HSPA9: variants seen among roughly 807,000 people sequenced by gnomAD.
HSPA9 encodes the protein stress-70 protein, mitochondrial.
In HSPA9, 28 loss-of-function variants were observed where a neutral mutation model predicts 81.5. The observed-to-expected ratio is 0.34, with a 90% CI of 0.25 to 0.47. The LOEUF (loss-of-function observed/expected upper bound fraction) is 0.47. Ranked by LOEUF, HSPA9 falls within the 20% of genes least tolerant of loss-of-function variation. The pLI, the probability that HSPA9 is intolerant of heterozygous loss-of-function variation, is 1.00. For missense variants in HSPA9, 678 were observed against 838.0 expected (o/e 0.81, Z 2.36); for synonymous variants, 293 against 290.4 (o/e 1.01, Z -0.09).
rs1282795769 is a variant in HSPA9 at position 138,560,061 on chromosome 5, T to C, written c.1213A>G (p.Arg405Gly). ...VQQTVQDLFG[R>G]APSKAVNPDE... Reference sequence around the variant, plus strand: ...GGATTGACAGCTTTACTTGGGGCTCTGCCAAAAAGATCCTGTACAGTCTGC... The same window carrying C: ...GGATTGACAGCTTTACTTGGGGCTCCGCCAAAAAGATCCTGTACAGTCTGC... The change falls in exon 11 of 17, where the codon AGA becomes GGA. Residue 405 changes from arginine (R) to glycine (G), a missense_variant. Arg to Gly is a moderately radical substitution (Grantham distance 125). Coordinates refer to ENST00000297185, the MANE Select transcript of HSPA9 (RefSeq NM_004134.7). 4 of 1,613,992 alleles carry C rather than the reference T, an allele frequency of 2.5e-6. No individual in the cohort carries two copies. Among genetic ancestry groups the C allele is most frequent in the African/African-American group, 1.3e-5 (1 of 74,902 alleles).
In HSPA9 at chr5:138,559,971, C is replaced by T. The variant is rs1319310807; in HGVS notation, c.1303G>A (p.Val435Met). Reference protein sequence around the residue: ...GGVLAGDVTDVLLLDVTPLSL... With the variant: ...GGVLAGDVTDMLLLDVTPLSL... ...AGGGGAGTGACATCAAGGAGCAGCA[C>T]ATCCGTGACATCGCCGGCCAACACA... Residue 435 changes from valine to methionine, a missense_variant, in exon 11 of 17, where the codon GTG (valine) becomes ATG (methionine). Coordinates refer to ENST00000297185, the MANE Select transcript of HSPA9 (RefSeq NM_004134.7). The T allele has an allele frequency of 1.2e-6, 2 of 1,614,018 alleles. No homozygotes were observed. The highest frequency in any genetic ancestry group is 8.5e-7 in the Non-Finnish European group (1 of 1,180,004).
chr5:138,567,205 A>G, intron 7 of HSPA9, 42 bp from the exon 8 acceptor site: 1 of 1,516,016 alleles, frequency 6.6e-7, no homozygotes, highest in South Asian at 1.2e-5. Flanking sequence ...GAAATCCTTA[A>G]GAACAAAACC....
chr5:138,574,266 G>A (rs537243344), intron 1 of HSPA9, 140 bp from the exon 2 acceptor site: 7 of 684,970 alleles, frequency 1.0e-5, no homozygotes, highest in East Asian at 5.4e-5. Context: ...TAAGTAAGAC[G>A]AAAAAAGGTA....
In HSPA9 at chr5:138,558,577, G is replaced by A. The variant is rs572931235; in HGVS notation, c.1491C>T (p.Asn497=). The change falls in exon 12 of 17, where the codon AAC becomes AAT. Residue 497 remains asparagine, a synonymous_variant. Transcript: ENST00000297185. ...CQGEREMAGD[N]KLLGQFTLIG... ...CCAAAGTAAACTGTCCAAGGAGTTTGTTGTCTCCAGCCATCTCTCTTTCAC... is the reference window on the plus strand; with the variant it reads ...CCAAAGTAAACTGTCCAAGGAGTTTATTGTCTCCAGCCATCTCTCTTTCAC... 1 of 1,611,202 alleles carries A rather than the reference G, an allele frequency of 6.2e-7. No individual in the cohort carries two copies.
At chr5:138,565,771 T>C (rs1238011821) in intron 9 of HSPA9, among the ~76,000 whole-genome samples, 1 of 152,168 alleles carries the variant, frequency 6.6e-6, no homozygotes, top group African/African-American at 2.4e-5. Flanking sequence ...TGGAGTGAAA[T>C]GGTGTGATCA....
At chr5:138,573,050 T>C (rs1750943638) in intron 3 of HSPA9, among the ~76,000 whole-genome samples, 1 of 152,064 alleles carries the variant, frequency 6.6e-6, no homozygotes, top group Non-Finnish European at 1.5e-5. Flanking sequence ...TGTGTGCCAC[T>C]ACGCCCAGCT....
At chr5:138,566,855 G>A (rs751443671) in intron 8 of HSPA9, 137 bp from the exon 9 acceptor site, 8 of 1,130,664 alleles carry the variant, frequency 7.1e-6, no homozygotes, top group Admixed American at 3.4e-5. Flanking sequence ...TACCCTTAAT[G>A]TGTAGGGAAA....
At chr5:138,567,431 G>T in intron 7 of HSPA9, 24 bp downstream of exon 7, 3 of 1,563,706 alleles carry the variant, frequency 1.9e-6, no homozygotes, top group South Asian at 2.2e-5. Flanking sequence ...ACATCCAGGT[G>T]AGAAATTTAC....
chr5:138,569,697 A>G (rs1212417199), intron 4 of HSPA9, among the ~76,000 whole-genome samples: 1 of 152,186 alleles, frequency 6.6e-6, no homozygotes, highest in African/African-American at 2.4e-5. Context: ...AAAGCTGTTT[A>G]AATTTTTAAA....
chr5:138,568,849 G>A lies in HSPA9; in HGVS notation c.535+76C>T. On this transcript the variant is annotated intron_variant, in intron 5 of 16. Transcript: ENST00000297185. ...GACCACAGATTCATCTACAGGAGCTGGAGCACAGGGAGCTAGTGATCTCAC... is the reference window on the plus strand; with the variant it reads ...GACCACAGATTCATCTACAGGAGCTAGAGCACAGGGAGCTAGTGATCTCAC... 4 of 1,485,418 alleles carry A rather than the reference G, an allele frequency of 2.7e-6. No individual in the cohort carries two copies. The South Asian group carries it at 4.6e-5, about 17-fold the overall frequency. 92.0% of individuals were successfully genotyped at this position (1,485,418 alleles called of 1,614,324 possible). A position where few individuals can be genotyped will look rare whatever the true frequency, so the allele number is the denominator to read the frequency against.
rs938623126 is a variant in HSPA9, at chr5:138,555,799, T to A, written c.*238A>T. On this transcript the variant is annotated 3_prime_UTR_variant, in exon 17 of 17. Transcript: ENST00000297185. ...TCAATTCATCCTACCTCCTTTTACA[T>A]GCAGCTGAAAAATGACAGGCTAGGG... is the stretch of plus-strand genomic sequence containing the variant. The A allele has an allele frequency of 1.8e-6, 1 of 561,728 alleles. No individual in the cohort carries two copies. The highest frequency in any genetic ancestry group is 2.1e-5 in the South Asian group (1 of 47,128). The allele number at this position is 561,728 out of a possible 1,614,324, so 34.8% of individuals were successfully genotyped here. A position where few individuals can be genotyped will look rare whatever the true frequency, so the allele number is the denominator to read the frequency against.
chr5:138,569,549 T>G (rs1455254061), intron 4 of HSPA9, among the ~76,000 whole-genome samples: 1 of 152,150 alleles, frequency 6.6e-6, no homozygotes, highest in African/African-American at 2.4e-5. Context: ...ATAGTATTAT[T>G]TGGCCATAAA....
At chr5:138,561,319 C>CAT (rs914694552) in intron 10 of HSPA9, among the ~76,000 whole-genome samples, 130 of 151,790 alleles carry the variant, frequency 8.6e-4, no homozygotes, top group African/African-American at 2.8e-3. Flanking sequence ...TACATACATA[C>CAT]ATATATATAT....
intron 1 of HSPA9, 123 bp downstream of exon 1, chr5:138,575,115 T>C (rs41294556): frequency 0.025 from 17,397 of 695,396 alleles, 265 homozygotes; most frequent in Non-Finnish European, 0.031. Flanking sequence ...GCCCGTTACC[T>C]TCCTTCCCGC....
intron 16 of HSPA9, 69 bp downstream of exon 16, chr5:138,556,383 C>A: frequency 6.5e-7 from 1 of 1,549,390 alleles, no homozygotes; most frequent in South Asian, 1.1e-5. Context: ...AGGGAGCCAC[C>A]AGTGACAGTC....
At chr5:138,556,309 G>C (rs1580739970) in intron 16 of HSPA9, 143 bp downstream of exon 16, 2 of 1,175,326 alleles carry the variant, frequency 1.7e-6, no homozygotes, top group Non-Finnish European at 2.5e-6. Flanking sequence ...CCAAAGTAGA[G>C]TCAAGACGGC....
At position 138,556,588 on chromosome 5, in the gene HSPA9, T is replaced by C; in HGVS notation, c.1826A>G (p.Asn609Ser). Residue 609 changes from asparagine (N) to serine (S), a missense_variant, in exon 16 of 17, where the codon AAC (asparagine) becomes AGC (serine). Coordinates refer to ENST00000297185, the MANE Select transcript of HSPA9 (RefSeq NM_004134.7). The part of the protein sequence containing the change: ...FKDQLPADEC[N>S]KLKEEISKMR... ...TTTGGAAATCTCTTCTTTCAGCTTG[T>C]TGCACTTAAAAAAAGAAAACAAAAA... The C allele has an allele frequency of 6.2e-7, 1 of 1,613,966 alleles. No homozygotes were observed. The highest frequency in any genetic ancestry group is 2.2e-5 in the East Asian group (1 of 44,878).
intron 10 of HSPA9, 142 bp downstream of exon 10, chr5:138,561,438 A>G (rs893151450): frequency 4.0e-5 from 29 of 716,286 alleles, no homozygotes; most frequent in Non-Finnish European, 6.2e-5. Context: ...AACAAACAGA[A>G]AAGAATTCTT....
chr5:138,573,958 C>T, intron 2 of HSPA9, 108 bp from the exon 3 acceptor site: 1 of 1,259,756 alleles, frequency 7.9e-7, no homozygotes. Context: ...TACATAATCT[C>T]TAAATAAATA....
Sources: gnomAD v4.1 joint callset for allele counts (sites outside exome capture counted in the v4.1 genomes callset) on GRCh38, gnomAD v4.1.1 for gene constraint, MANE v1.5 for transcripts, NCBI Gene and HGNC (gene_info 2026-07-23, HGNC 2026-07-21) for gene names.